RPL36AL: variants seen among roughly 807,000 people sequenced by gnomAD.
RPL36AL encodes the protein ribosomal protein L36a like.
A neutral mutation model predicts 7.9 loss-of-function variants in RPL36AL; 8 were observed. That is an observed-to-expected ratio of 1.02 (90% CI 0.60 to 1.84). The LOEUF (loss-of-function observed/expected upper bound fraction) is 1.84. RPL36AL is among the 40% of genes most tolerant of loss of function. The pLI is 0.00. For missense variants in RPL36AL, 76 were observed against 126.8 expected (o/e 0.60, Z 1.93); for synonymous variants, 44 against 44.8 (o/e 0.98, Z 0.07).
intron 1 of RPL36AL, among the ~76,000 whole-genome samples, chr14:49,619,490 A>G (rs1882768391): frequency 6.6e-6 from 1 of 152,132 alleles, no homozygotes; most frequent in Admixed American, 6.5e-5. Flanking sequence ...TCTACTAAAA[A>G]TACAAAATTA....
Position 49,618,931 on chromosome 14 carries a change from C to T in RPL36AL, c.174G>A (p.Lys58=), listed in dbSNP as rs1164727455. 15 of 1,613,586 alleles carry T rather than the reference C, an allele frequency of 9.3e-6. No individual in the cohort carries two copies. The highest frequency in any genetic ancestry group is 1.2e-5 in the Non-Finnish European group (14 of 1,179,880). The change falls in exon 2 of 2, where the codon AAG becomes AAA. Residue 58 remains lysine (K), a synonymous_variant. Coordinates refer to ENST00000298289, the MANE Select transcript of RPL36AL (RefSeq NM_001001.5). ...CAATCTTCTTTGTGGTCTTAGCCTT[C>T]TTCCGGAAAATTGGCTTTGTCTGCC... The part of the protein sequence containing the change: ...YGGQTKPIFR[K]KAKTTKKIVL...
chr14:49,619,585 G>C (rs922019581), intron 1 of RPL36AL, among the ~76,000 whole-genome samples: 1 of 151,784 alleles, frequency 6.6e-6, no homozygotes, highest in Non-Finnish European at 1.5e-5. Context: ...AGCCGAGATC[G>C]CACCATTGCA....
intron 1 of RPL36AL, among the ~76,000 whole-genome samples, 184 bp downstream of exon 1, chr14:49,620,378 G>A (rs962140042): frequency 1.1e-4 from 16 of 152,206 alleles, no homozygotes; most frequent in South Asian, 2.1e-4. Flanking sequence ...AAGCCGGCGC[G>A]CCCCGCGATT....
rs548772885 is a variant in RPL36AL at position 49,620,569 on chromosome 14, C to A, written c.-44G>T. 1 of 186,410 alleles carries A rather than the reference C, an allele frequency of 5.4e-6. No individual in the cohort carries two copies. Among genetic ancestry groups the A allele is most frequent in the South Asian group, 1.1e-4 (1 of 8,758 alleles). The allele number at this position is 186,410 out of a possible 1,614,324, so 11.5% of individuals were successfully genotyped here. A position where few individuals can be genotyped will look rare whatever the true frequency, so the allele number is the denominator to read the frequency against. Reference sequence around the variant, plus strand: ...GCCTCGTTCTTAGCTTACCGAGAAACAGCGCCCGACACCTGGCCCTTCGCA... The same window carrying A: ...GCCTCGTTCTTAGCTTACCGAGAAAAAGCGCCCGACACCTGGCCCTTCGCA... On this transcript the variant is annotated 5_prime_UTR_variant, in exon 1 of 2. Transcript: ENST00000298289.
At chr14:49,619,185 C>A (rs1160888210) in intron 1 of RPL36AL, 45 bp from the exon 2 acceptor site, 1 of 1,334,720 alleles carries the variant, frequency 7.5e-7, no homozygotes, top group South Asian at 1.4e-5. Context: ...TTAAACATTC[C>A]GAAAAGTGAA....
intron 1 of RPL36AL, among the ~76,000 whole-genome samples, chr14:49,619,440 G>A (rs150195201): frequency 6.6e-6 from 1 of 152,080 alleles, no homozygotes; most frequent in African/African-American, 2.4e-5. Context: ...CTGAGGTCCG[G>A]AGTTCGAGAC....
In RPL36AL at chr14:49,618,995, C is replaced by T; in HGVS notation, c.110G>A (p.Gly37Glu). Residue 37 changes from glycine to glutamate, a missense_variant, in exon 2 of 2, where the codon GGA becomes GAA. Physicochemically the swap from Gly to Glu is moderately conservative, Grantham distance 98 (BLOSUM62 -2). Coordinates refer to ENST00000298289, the MANE Select transcript of RPL36AL (RefSeq NM_001001.5). ...CTGCTTCCGATCATAGCGCCTCCTT[C>T]CCTGGGCATACAAAGAATCCTTGCC... ...KKGKDSLYAQ[G>E]RRRYDRKQSG... The T allele has an allele frequency of 1.2e-6, 2 of 1,614,002 alleles. No homozygotes were observed. The highest frequency in any genetic ancestry group is 1.7e-6 in the Non-Finnish European group (2 of 1,179,872).
chr14:49,618,578 AAGT>A lies in RPL36AL; in HGVS notation c.*203_*205del, dbSNP rs1160413488. On this transcript the variant is annotated 3_prime_UTR_variant, in exon 2 of 2. Coordinates refer to ENST00000298289, the MANE Select transcript of RPL36AL (RefSeq NM_001001.5). ...CATTTGAAATTGACCAGAAAACAAA[AAGT>A]AGTAAAGTAGTATTTTCCCTTCATA... 2.7e-5 allele frequency: 15 copies of A among 555,468 alleles called. No homozygotes were observed. In the African/African-American group the frequency reaches 2.8e-4, roughly 11 times the overall value. The allele number at this position is 555,468 out of a possible 1,614,324, so 34.4% of individuals were successfully genotyped here.
At chr14:49,619,303 T>A (rs747067052) in intron 1 of RPL36AL, among the ~76,000 whole-genome samples, 163 bp from the exon 2 acceptor site, 5 of 152,188 alleles carry the variant, frequency 3.3e-5, no homozygotes, top group Non-Finnish European at 5.9e-5. Context: ...AGTACATACC[T>A]TTTTGAAACA....
At chr14:49,619,697 T>C (rs1003201135) in intron 1 of RPL36AL, among the ~76,000 whole-genome samples, 3 of 152,000 alleles carry the variant, frequency 2.0e-5, no homozygotes, top group Non-Finnish European at 2.9e-5. Context: ...AGTTTGAGGA[T>C]TGCAACCCAG....
Position 49,618,577 on chromosome 14 carries a change from A to G in RPL36AL, c.*207T>C. On this transcript the variant is annotated 3_prime_UTR_variant, in exon 2 of 2. Coordinates refer to ENST00000298289, the MANE Select transcript of RPL36AL (RefSeq NM_001001.5). The stretch of plus-strand genomic sequence containing the variant: ...ACATTTGAAATTGACCAGAAAACAA[A>G]AAGTAGTAAAGTAGTATTTTCCCTT... The G allele has an allele frequency of 1.8e-6, 1 of 553,780 alleles. No homozygotes were observed. Among genetic ancestry groups the G allele is most frequent in the South Asian group, 2.3e-5 (1 of 43,232 alleles). 34.3% of individuals were successfully genotyped at this position (553,780 alleles called of 1,614,324 possible). A position where few individuals can be genotyped will look rare whatever the true frequency, so the allele number is the denominator to read the frequency against.
Position 49,618,929 on chromosome 14 carries a change from T to C in RPL36AL, c.176A>G (p.Lys59Arg). 6.2e-7 allele frequency: 1 copy of C among 1,613,696 alleles called. No homozygotes were observed. Among genetic ancestry groups the C allele is most frequent in the East Asian group, 2.2e-5 (1 of 44,890 alleles). The change falls in exon 2 of 2, where the codon AAG becomes AGG. Residue 59 changes from lysine (K) to arginine (R), a missense_variant. Coordinates refer to ENST00000298289, the MANE Select transcript of RPL36AL (RefSeq NM_001001.5). The part of the protein sequence containing the change: ...GGQTKPIFRK[K>R]AKTTKKIVLR... Reference sequence around the variant, plus strand: ...CACAATCTTCTTTGTGGTCTTAGCCTTCTTCCGGAAAATTGGCTTTGTCTG... The same window carrying C: ...CACAATCTTCTTTGTGGTCTTAGCCCTCTTCCGGAAAATTGGCTTTGTCTG...
In RPL36AL at chr14:49,619,113, C is replaced by T. The variant is rs1470603997; in HGVS notation, c.-9G>A. 4.4e-6 allele frequency: 7 copies of T among 1,600,922 alleles called. No homozygotes were observed. Among genetic ancestry groups the T allele is most frequent in the Non-Finnish European group, 5.1e-6 (6 of 1,171,346 alleles). On this transcript the variant is annotated 5_prime_UTR_variant, in exon 2 of 2. Transcript: ENST00000298289. The stretch of plus-strand genomic sequence containing the variant: ...TTAGGTACGTTGACCATCTTTGCAG[C>T]AGGGCTGTTTTGTCTATATGATGAA...
At chr14:49,619,194 AAAGTGCTATAC>A (rs1377971922) in intron 1 of RPL36AL, 54 bp from the exon 2 acceptor site, 1 of 1,178,246 alleles carries the variant, frequency 8.5e-7, no homozygotes, top group African/African-American at 1.5e-5. Flanking sequence ...CCGAAAAGTG[AAAGTGCTATAC>A]AAGTATATAC....
rs59259181 is a variant in RPL36AL at position 49,620,586 on chromosome 14, C to T, written c.-61G>A. 1.2e-3 allele frequency: 248 copies of T among 201,526 alleles called. 1 individual carries two copies. Among genetic ancestry groups the T allele is most frequent in the African/African-American group, 5.3e-3 (227 of 43,034 alleles). 12.5% of individuals were successfully genotyped at this position (201,526 alleles called of 1,614,324 possible). A position where few individuals can be genotyped will look rare whatever the true frequency, so the allele number is the denominator to read the frequency against. On this transcript the variant is annotated 5_prime_UTR_variant, in exon 1 of 2. Coordinates refer to ENST00000298289, the MANE Select transcript of RPL36AL (RefSeq NM_001001.5). ...CCGAGAAACAGCGCCCGACACCTGG[C>T]CCTTCGCAGCTCTCGCCTTTCGCAG...
intron 1 of RPL36AL, among the ~76,000 whole-genome samples, chr14:49,619,866 G>A (rs1882782454): frequency 6.6e-6 from 1 of 152,122 alleles, no homozygotes; most frequent in African/African-American, 2.4e-5. Context: ...CCAGGAACGC[G>A]GACATAATGG....
chr14:49,619,975 C>G (rs1303385736), intron 1 of RPL36AL, among the ~76,000 whole-genome samples: 1 of 152,080 alleles, frequency 6.6e-6, no homozygotes, highest in African/African-American at 2.4e-5. Context: ...TTTTGCACAT[C>G]TCAAATAATT....
At chr14:49,620,082 G>T (rs750343918) in intron 1 of RPL36AL, among the ~76,000 whole-genome samples, 1 of 152,128 alleles carries the variant, frequency 6.6e-6, no homozygotes, top group East Asian at 1.9e-4. Context: ...TCCGTTTTCC[G>T]TACGAAATGA....
At chr14:49,620,127 G>A (rs984846681) in intron 1 of RPL36AL, among the ~76,000 whole-genome samples, 6 of 152,174 alleles carry the variant, frequency 3.9e-5, no homozygotes, top group Admixed American at 6.5e-5. Flanking sequence ...AAAGAAAAGT[G>A]CGGTTCATCT....
Sources: allele counts gnomAD v4.1 joint callset (sites outside exome capture counted in the v4.1 genomes callset), GRCh38; gene constraint gnomAD v4.1.1; transcripts MANE v1.5; gene names NCBI Gene and HGNC (gene_info 2026-07-23, HGNC 2026-07-21).